Variants in CAMSAP1 observed in about 807,000 individuals in gnomAD.
The protein encoded by CAMSAP1 is calmodulin-regulated spectrin-associated protein 1.
In CAMSAP1, 58 loss-of-function variants were observed where a neutral mutation model predicts 143.5. That is an observed-to-expected ratio of 0.40 (90% CI 0.33 to 0.50). CAMSAP1 has a LOEUF of 0.50. Ranked by LOEUF, CAMSAP1 falls within the 20% of genes least tolerant of loss-of-function variation. CAMSAP1 has a pLI of 0.45. For missense variants in CAMSAP1, 1,969 were observed against 2,115.7 expected (o/e 0.93, Z 1.36); for synonymous variants, 945 against 859.3 (o/e 1.10, Z -1.74).
At chr9:135,833,303 G>C (rs1169279695) in intron 7 of CAMSAP1, among the ~76,000 whole-genome samples, 1 of 151,930 alleles carries the variant, frequency 6.6e-6, no homozygotes, top group Non-Finnish European at 1.5e-5. Flanking sequence ...GGATGGTCTC[G>C]ATCTCCTGAC....
chr9:135,867,489 T>TA lies in CAMSAP1; in HGVS notation c.586-954dup, dbSNP rs140462483. 1.3e-3 allele frequency among the ~76,000 whole-genome samples: 185 copies of TA among 142,610 alleles called. 2 individuals are homozygous for TA. The highest frequency in any genetic ancestry group is 3.2e-3 in the African/African-American group (125 of 38,888). The allele number at this position is 142,610 out of a possible 152,430, so 93.6% of individuals were successfully genotyped here. On this transcript the variant is annotated intron_variant, in intron 3 of 16. Transcript: ENST00000389532. ...GCAAGACCCCCCTCTTTTTTTTTTT[T>TA]AAAAAAAAAGTCTGTAAAGCTAATC...
chr9:135,847,666 G>A (rs940324833), intron 7 of CAMSAP1, among the ~76,000 whole-genome samples: 8 of 149,062 alleles, frequency 5.4e-5, no homozygotes, highest in South Asian at 4.4e-4. Flanking sequence ...GAGAACACAC[G>A]GACACAGGGA....
chr9:135,827,218 T>C (rs1346630790), intron 8 of CAMSAP1, among the ~76,000 whole-genome samples, 189 bp downstream of exon 8: 1 of 152,226 alleles, frequency 6.6e-6, no homozygotes, highest in African/African-American at 2.4e-5. Context: ...AGGAACTTCC[T>C]GCTAGTATCA....
Position 135,820,860 on chromosome 9 carries a change from C to T in CAMSAP1, c.3801G>A (p.Pro1267=), listed in dbSNP as rs1301032990. ...ADLVSEGDQK[P]GVGFFFKDEQ... ...TTACCTTGAAGAAGAAGCCGACCCCCGGCTTCTGGTCGCCTTCGCTGACAA... is the reference window on the plus strand; with the variant it reads ...TTACCTTGAAGAAGAAGCCGACCCCTGGCTTCTGGTCGCCTTCGCTGACAA... Residue 1267 remains proline (P), a synonymous_variant, in exon 11 of 17, where the codon CCG becomes CCA. Transcript: ENST00000389532. The surrounding 1 kb of genome is among the most constrained non-coding windows in gnomAD (Gnocchi z 4.4). The T allele has an allele frequency of 1.2e-6, 2 of 1,613,296 alleles. No homozygotes were observed. Among genetic ancestry groups the T allele is most frequent in the South Asian group, 1.1e-5 (1 of 91,074 alleles).
chr9:135,824,008 T>C lies in CAMSAP1; in HGVS notation c.1342A>G (p.Thr448Ala). 6.3e-7 allele frequency: 1 copy of C among 1,587,096 alleles called. No homozygotes were observed. The highest frequency in any genetic ancestry group is 8.6e-7 in the Non-Finnish European group (1 of 1,166,204). Reference protein sequence around the residue: ...PDQRHRSNSLTRVDGQPRGAA... With the variant: ...PDQRHRSNSLARVDGQPRGAA... ...CCTCGAGGCTGACCATCAACTCGGG[T>C]CAAAGAATTCGATCGATGTCGCTGA... is the stretch of plus-strand genomic sequence containing the variant. The change falls in exon 10 of 17, where the codon ACC (threonine) becomes GCC (alanine). Residue 448 changes from threonine (T) to alanine (A), a missense_variant. Physicochemically the swap from Thr to Ala is moderately conservative, Grantham distance 58. Coordinates refer to ENST00000389532, the MANE Select transcript of CAMSAP1 (RefSeq NM_015447.4). This position sits in a 1 kb window ranked among gnomAD's most constrained non-coding sequence, Gnocchi z 4.1.
rs895485039 is a variant in CAMSAP1, at chr9:135,811,792, T to C, written c.4507-181A>G. On this transcript the variant is annotated intron_variant, in intron 16 of 16. Coordinates refer to ENST00000389532, the MANE Select transcript of CAMSAP1 (RefSeq NM_015447.4). This position sits in a 1 kb window ranked among gnomAD's most constrained non-coding sequence, Gnocchi z 4.9. ...CCCTGTACGGGAGCATTATATGCCA[T>C]TGAGACTTTACTTAAGAAGTCTAAG... Among the ~76,000 whole-genome samples the C allele has an allele frequency of 6.6e-6, 1 of 152,198 alleles. No individual in the cohort carries two copies. The highest frequency in any genetic ancestry group is 2.4e-5 in the African/African-American group (1 of 41,458).
chr9:135,815,554 GT>G (rs946718111), intron 15 of CAMSAP1, among the ~76,000 whole-genome samples: 23 of 152,336 alleles, frequency 1.5e-4, no homozygotes, highest in African/African-American at 5.3e-4. Context: ...AGCACCTCCA[GT>G]TCACTGTGCC....
chr9:135,808,623 A>T lies in CAMSAP1; in HGVS notation c.*2686T>A, dbSNP rs1314608915. On this transcript the variant is annotated 3_prime_UTR_variant, in exon 17 of 17. Coordinates refer to ENST00000389532, the MANE Select transcript of CAMSAP1 (RefSeq NM_015447.4). ...TTTCAATTTTGCCTGAGTGAAGAATACAGTTTGGGCCTGAAGTCTGCTAAG... is the reference window on the plus strand; with the variant it reads ...TTTCAATTTTGCCTGAGTGAAGAATTCAGTTTGGGCCTGAAGTCTGCTAAG... 6.6e-6 allele frequency: 1 copy of T among 152,254 alleles called. No individual in the cohort carries two copies. The highest frequency in any genetic ancestry group is 2.4e-5 in the African/African-American group (1 of 41,464). 9.4% of individuals were successfully genotyped at this position (152,254 alleles called of 1,614,324 possible).
At chr9:135,844,959 A>G (rs1464795707) in intron 7 of CAMSAP1, among the ~76,000 whole-genome samples, 1 of 152,200 alleles carries the variant, frequency 6.6e-6, no homozygotes, top group African/African-American at 2.4e-5. Flanking sequence ...AGCTGGTACC[A>G]TTCCTTCTGA....
Position 135,818,946 on chromosome 9 carries a change from C to A in CAMSAP1, c.3959+64G>T. On this transcript the variant is annotated intron_variant, in intron 12 of 16. Transcript: ENST00000389532. The surrounding 1 kb of genome is among the most constrained non-coding windows in gnomAD (Gnocchi z 7.7). ...CCATGCTCAGTGCCAGCAACGGGAC[C>A]GGGGCCGCCAGGGACCCACCAGGCT... is the stretch of plus-strand genomic sequence containing the variant. 6.4e-7 allele frequency: 1 copy of A among 1,571,920 alleles called. No homozygotes were observed. Among genetic ancestry groups the A allele is most frequent in the East Asian group, 2.3e-5 (1 of 42,970 alleles).
In CAMSAP1 at chr9:135,822,116, G is replaced by A; in HGVS notation, c.2545C>T (p.Pro849Ser). The A allele has an allele frequency of 1.2e-6, 2 of 1,612,664 alleles. No individual in the cohort carries two copies. The highest frequency in any genetic ancestry group is 1.7e-6 in the Non-Finnish European group (2 of 1,179,776). The change falls in exon 11 of 17, where the codon CCA (proline) becomes TCA (serine). Residue 849 changes from proline to serine, a missense_variant. Physicochemically the swap from Pro to Ser is moderately conservative, Grantham distance 74. Around this residue, in one of 4 missense-constraint regions of CAMSAP1, gnomAD observed 1,390 missense variants for 1,420.8 expected, o/e 0.98. Coordinates refer to ENST00000389532, the MANE Select transcript of CAMSAP1 (RefSeq NM_015447.4). The surrounding 1 kb of genome is among the most constrained non-coding windows in gnomAD (Gnocchi z 6.1). ...KTTPDASESC[P>S]APLTTWRQKR... ...TGCCTCCACGTCGTCAGAGGGGCTG[G>A]GCAGCTCTCAGACGCATCTGGCGTG...
intron 5 of CAMSAP1, among the ~76,000 whole-genome samples, chr9:135,856,640 T>C (rs1477767499): frequency 3.3e-5 from 5 of 152,238 alleles, no homozygotes; most frequent in Non-Finnish European, 2.9e-5. Context: ...CCAGCCTCTC[T>C]CCCCAGTGGC....
In CAMSAP1 at chr9:135,822,427, A is replaced by G. The variant is rs747348528; in HGVS notation, c.2234T>C (p.Ile745Thr). The change falls in exon 11 of 17, where the codon ATA (isoleucine) becomes ACA (threonine). Residue 745 changes from isoleucine (I) to threonine (T), a missense_variant. Around this residue, in one of 4 missense-constraint regions of CAMSAP1, gnomAD observed 1,390 missense variants for 1,420.8 expected, o/e 0.98. Transcript: ENST00000389532. The surrounding 1 kb of genome is among the most constrained non-coding windows in gnomAD (Gnocchi z 6.1). ...RQDSDSDVVD[I>T]EEAEHDFMGE... ...CATGAAATCGTGCTCGGCTTCCTCT[A>G]TGTCCACCACATCCGAGTCAGAATC... is the stretch of plus-strand genomic sequence containing the variant. 9 of 1,613,974 alleles carry G rather than the reference A, an allele frequency of 5.6e-6. No individual in the cohort carries two copies. In the South Asian group the frequency reaches 9.9e-5, roughly 18 times the overall value.
At chr9:135,892,357 G>A (rs765033098) in intron 1 of CAMSAP1, among the ~76,000 whole-genome samples, 1 of 151,970 alleles carries the variant, frequency 6.6e-6, no homozygotes, top group Non-Finnish European at 1.5e-5. Context: ...ACAGAAAAGT[G>A]GAAATTACAA....
intron 16 of CAMSAP1, among the ~76,000 whole-genome samples, chr9:135,814,618 A>C (rs1835163539): frequency 3.5e-5 from 5 of 144,632 alleles, no homozygotes; most frequent in African/African-American, 1.0e-4. Flanking sequence ...CTCCCTCCCC[A>C]CTCCATCTTC....
At chr9:135,843,657 G>GAGA (rs1836444471) in intron 7 of CAMSAP1, among the ~76,000 whole-genome samples, 2 of 151,926 alleles carry the variant, frequency 1.3e-5, no homozygotes, top group South Asian at 4.2e-4. Flanking sequence ...GGATCACGAG[G>GAGA]TCAGGAGATC....
chr9:135,831,424 A>T (rs969023156), intron 7 of CAMSAP1, among the ~76,000 whole-genome samples: 3 of 152,064 alleles, frequency 2.0e-5, no homozygotes, highest in Non-Finnish European at 2.9e-5. Context: ...GCTTGAGGCC[A>T]GGAGTTCAAG....
chr9:135,816,706 AC>A (rs1835241599), intron 14 of CAMSAP1, among the ~76,000 whole-genome samples: 1 of 152,140 alleles, frequency 6.6e-6, no homozygotes, highest in Non-Finnish European at 1.5e-5. Context: ...GGGTGAAGAG[AC>A]AAGAAAACAC....
chr9:135,864,025 T>C (rs996863063), intron 4 of CAMSAP1, among the ~76,000 whole-genome samples: 1 of 152,240 alleles, frequency 6.6e-6, no homozygotes, highest in Non-Finnish European at 1.5e-5. Context: ...CTCTAGGCTG[T>C]ACAGTGTTGA....
Sources: allele counts gnomAD v4.1 joint callset (sites outside exome capture counted in the v4.1 genomes callset), GRCh38; gene constraint gnomAD v4.1.1; regional missense constraint gnomAD v4.1.1; non-coding constraint Gnocchi (gnomAD v3.1); transcripts MANE v1.5; gene names NCBI Gene and HGNC (gene_info 2026-07-23, HGNC 2026-07-21).